The following USP49 variants were observed in gnomAD, a reference collection of about 807,000 sequenced individuals.
The protein encoded by USP49 is ubiquitin carboxyl-terminal hydrolase 49.
Under a neutral mutation model 58.6 loss-of-function variants are expected in USP49, and 24 were observed. That is an observed-to-expected ratio of 0.41 (90% CI 0.30 to 0.58). The LOEUF (loss-of-function observed/expected upper bound fraction) is 0.58, where lower values mean the gene tolerates loss of function less well. Among genes scored for constraint, USP49 ranks in the 20% least tolerant of loss-of-function variants. The probability of loss-of-function intolerance (pLI) is 0.30; values close to 1 mark genes in which losing one functional copy is unlikely to be tolerated. For missense variants in USP49, 703 were observed against 866.1 expected, an observed-to-expected ratio of 0.81 and a Z score of 2.36; for synonymous variants, 408 against 365.1, an observed-to-expected ratio of 1.12 and a Z score of -1.34.
At position 41,819,206 on chromosome 6, in the gene USP49, G is replaced by A. The variant is rs576478455; in HGVS notation, c.-28-12195C>T. On this transcript the variant is annotated intron_variant, in intron 3 of 7. Coordinates refer to ENST00000682992, the MANE Select transcript of USP49 (RefSeq NM_001286554.2). ...ATATCTATACAATAAAACCTGTAAG[G>A]GGAAACCCAAAAGCCACTCAAAGTC... 5.3e-5 allele frequency among the ~76,000 whole-genome samples: 8 copies of A among 152,068 alleles called. No homozygotes were observed. In the South Asian group the frequency reaches 1.7e-3, roughly 32 times the overall value.
chr6:41,802,440 A>ATTTTATTTTAT, intron 5 of USP49, among the ~76,000 whole-genome samples: 1 of 57,420 alleles, frequency 1.7e-5, no homozygotes, highest in Non-Finnish European at 3.4e-5. Context: ...TTATTTATTT[A>ATTTTATTTTAT]TTTATTTATT....
intron 3 of USP49, among the ~76,000 whole-genome samples, chr6:41,855,877 G>C (rs1277149124): frequency 6.6e-6 from 1 of 151,408 alleles, no homozygotes; most frequent in African/African-American, 2.4e-5. Flanking sequence ...GCGAAACCCC[G>C]TCTCTACTAA....
chr6:41,860,664 C>T (rs974339453), intron 3 of USP49, among the ~76,000 whole-genome samples: 4 of 124,720 alleles, frequency 3.2e-5, no homozygotes, highest in African/African-American at 6.3e-5. Context: ...TGCACCATCA[C>T]ACCCAGCTAA....
chr6:41,862,996 C>A (rs796165592), intron 3 of USP49, among the ~76,000 whole-genome samples: 2 of 152,046 alleles, frequency 1.3e-5, no homozygotes, highest in African/African-American at 4.8e-5. Flanking sequence ...GGGCTGGTCT[C>A]GAACTCTTAG....
intron 1 of USP49, among the ~76,000 whole-genome samples, chr6:41,892,127 A>T (rs1403097720): frequency 1.3e-5 from 2 of 152,202 alleles, no homozygotes; most frequent in Non-Finnish European, 2.9e-5. Flanking sequence ...ACCATTGACA[A>T]TGAGACTCAG....
intron 3 of USP49, among the ~76,000 whole-genome samples, chr6:41,860,851 C>A (rs552568115): frequency 6.6e-6 from 1 of 151,568 alleles, no homozygotes; most frequent in Non-Finnish European, 1.5e-5. Context: ...AGGCCAGGCA[C>A]GGTGGCTGGT....
intron 3 of USP49, among the ~76,000 whole-genome samples, chr6:41,824,583 G>A (rs1459136148): frequency 6.6e-6 from 1 of 152,086 alleles, no homozygotes; most frequent in Admixed American, 6.6e-5. Context: ...GTACATGCCT[G>A]TAATCCCAGC....
At position 41,805,946 on chromosome 6, in the gene USP49, C is replaced by T; in HGVS notation, c.1038G>A (p.Gln346=). Residue 346 remains glutamine (Q), a synonymous_variant, in exon 4 of 8, where the codon CAG becomes CAA. Transcript: ENST00000682992. The part of the protein sequence containing the change: ...ASISRSLELI[Q]NKEPSSKHIS... ...TGTGCTTTGAACTCGGCTCCTTGTT[C>T]TGGATGAGCTCCAGACTCCGACTAA... is the stretch of plus-strand genomic sequence containing the variant. 1.2e-6 allele frequency: 2 copies of T among 1,613,910 alleles called. No individual in the cohort carries two copies. Among genetic ancestry groups the T allele is most frequent in the Non-Finnish European group, 1.7e-6 (2 of 1,180,028 alleles).
rs1048467208 is a variant in USP49 at position 41,830,534 on chromosome 6, T to A, written c.-28-23523A>T. ...AAACAGATTTGCAACCAATTCAAAT[T>A]TAGGAAAGCAGGCCAGGCGTGGTGG... On this transcript the variant is annotated intron_variant, in intron 3 of 7. Coordinates refer to ENST00000682992, the MANE Select transcript of USP49 (RefSeq NM_001286554.2). 7.9e-5 allele frequency among the ~76,000 whole-genome samples: 12 copies of A among 152,250 alleles called. 1 individual carries two copies. The East Asian group carries it at 2.3e-3, about 29-fold the overall frequency.
intron 3 of USP49, among the ~76,000 whole-genome samples, chr6:41,826,258 G>A (rs1773536193): frequency 6.6e-6 from 1 of 152,000 alleles, no homozygotes; most frequent in South Asian, 2.1e-4. Context: ...CAGAGCAAGT[G>A]AGACCCCATC....
In USP49 at chr6:41,790,963, G is replaced by A. The variant is rs934777517; in HGVS notation, c.*5570C>T. ...GAGGAAACTTTTAAGCCATAGTATA[G>A]ATGCTAACCCCCATTTAGACCTGCA... On this transcript the variant is annotated 3_prime_UTR_variant, in exon 8 of 8. Transcript: ENST00000682992. The A allele has an allele frequency of 6.6e-6, 1 of 152,192 alleles. No individual in the cohort carries two copies. The highest frequency in any genetic ancestry group is 2.4e-5 in the African/African-American group (1 of 41,440). 9.4% of individuals were successfully genotyped at this position (152,192 alleles called of 1,614,324 possible).
rs535237862 is a variant in USP49 at position 41,803,628 on chromosome 6, TAAAAC to T, written c.1561+173_1561+177del. Among the ~76,000 whole-genome samples the T allele has an allele frequency of 2.0e-5, 3 of 152,356 alleles. No homozygotes were observed. Among genetic ancestry groups the T allele is most frequent in the African/African-American group, 7.2e-5 (3 of 41,586 alleles). On this transcript the variant is annotated intron_variant, in intron 5 of 7. Coordinates refer to ENST00000682992, the MANE Select transcript of USP49 (RefSeq NM_001286554.2). The surrounding 1 kb of genome is among the most constrained non-coding windows in gnomAD (Gnocchi z 4.1). ...CTTGTTTTGTTTTTTAATACATAATTAAAACAAGTCCATGTTTTTTGTTTTTAGAA... is the reference window on the plus strand; with the variant it reads ...CTTGTTTTGTTTTTTAATACATAATTAAGTCCATGTTTTTTGTTTTTAGAA...
chr6:41,856,729 C>T (rs1390711258), intron 3 of USP49, among the ~76,000 whole-genome samples: 1 of 152,142 alleles, frequency 6.6e-6, no homozygotes, highest in African/African-American at 2.4e-5. Flanking sequence ...GTTTCAGTTA[C>T]CTGTGGTCCG....
chr6:41,849,466 G>A (rs983919056), intron 3 of USP49, among the ~76,000 whole-genome samples: 1 of 152,110 alleles, frequency 6.6e-6, no homozygotes, highest in Admixed American at 6.6e-5. Flanking sequence ...GACATATATA[G>A]AGAACTCTAC....
At chr6:41,878,623 A>G (rs1332583707) in intron 2 of USP49, among the ~76,000 whole-genome samples, 7 of 152,230 alleles carry the variant, frequency 4.6e-5, no homozygotes, top group Non-Finnish European at 1.0e-4. Context: ...ATTAATTGGT[A>G]AAGTTCAGTC....
At chr6:41,852,945 T>G (rs1774055961) in intron 3 of USP49, among the ~76,000 whole-genome samples, 1 of 152,196 alleles carries the variant, frequency 6.6e-6, no homozygotes, top group African/African-American at 2.4e-5. Flanking sequence ...ATCCCAGCAC[T>G]TTGAGAGGCC....
chr6:41,851,952 C>CAAAA (rs67716441), intron 3 of USP49, among the ~76,000 whole-genome samples: 220 of 54,370 alleles, frequency 4.0e-3, no homozygotes, highest in Non-Finnish European at 5.4e-3. Flanking sequence ...AGACTCGTCT[C>CAAAA]AAAAAAAAAA....
chr6:41,845,548 A>G (rs1773907857), intron 3 of USP49, among the ~76,000 whole-genome samples: 1 of 151,740 alleles, frequency 6.6e-6, no homozygotes, highest in African/African-American at 2.4e-5. Context: ...TAAGCTGGGC[A>G]TGGTGGTATG....
chr6:41,837,349 A>G (rs1298076987), intron 3 of USP49, among the ~76,000 whole-genome samples: 1 of 152,212 alleles, frequency 6.6e-6, no homozygotes, highest in African/African-American at 2.4e-5. Flanking sequence ...GACAAAAGCA[A>G]TGGGGAAAGG....
Sources: gnomAD v4.1 joint callset for allele counts (sites outside exome capture counted in the v4.1 genomes callset) on GRCh38, gnomAD v4.1.1 for gene constraint, Gnocchi (gnomAD v3.1) non-coding constraint, MANE v1.5 for transcripts, NCBI Gene and HGNC (gene_info 2026-07-23, HGNC 2026-07-21) for gene names.